KIAA0825: variants seen among roughly 807,000 people sequenced by gnomAD.
The protein encoded by KIAA0825 is uncharacterized protein KIAA0825.
In KIAA0825, 119 loss-of-function variants were observed where a neutral mutation model predicts 147.6. That is an observed-to-expected ratio of 0.81 (90% CI 0.69 to 0.94). KIAA0825 has a LOEUF of 0.94. Among genes scored for constraint, KIAA0825 ranks in the 40% least tolerant of loss-of-function variants. The pLI is 0.00. For missense variants in KIAA0825, 1,381 were observed against 1,472.7 expected (o/e 0.94, Z 1.02); for synonymous variants, 470 against 518.1 (o/e 0.91, Z 1.26).
intron 20 of KIAA0825, among the ~76,000 whole-genome samples, chr5:94,203,121 G>A (rs1300352999): frequency 1.3e-5 from 2 of 152,142 alleles, no homozygotes; most frequent in African/African-American, 4.8e-5. Flanking sequence ...AGCATTACCT[G>A]CCATTTTCAT....
intron 5 of KIAA0825, among the ~76,000 whole-genome samples, chr5:94,489,185 C>G (rs1361892652): frequency 6.6e-6 from 1 of 152,122 alleles, no homozygotes; most frequent in Non-Finnish European, 1.5e-5. Flanking sequence ...GGAAAGTCTT[C>G]TAAAGCCTCC....
At chr5:94,239,799 T>A (rs902482691) in intron 20 of KIAA0825, among the ~76,000 whole-genome samples, 8 of 152,174 alleles carry the variant, frequency 5.3e-5, no homozygotes, top group Admixed American at 3.9e-4. Context: ...TACAATTACT[T>A]AATTACTTTA....
intron 2 of KIAA0825, among the ~76,000 whole-genome samples, chr5:94,542,604 T>A (rs1260400363): frequency 3.3e-5 from 5 of 152,110 alleles, no homozygotes; most frequent in Non-Finnish European, 5.9e-5. Flanking sequence ...GTCAGGAGTT[T>A]GAGACCAGCC....
intron 3 of KIAA0825, among the ~76,000 whole-genome samples, chr5:94,528,243 C>T (rs955452213): frequency 1.3e-5 from 2 of 152,170 alleles, no homozygotes; most frequent in African/African-American, 2.4e-5. Context: ...CATTGGTCAT[C>T]GGGACTATAT....
intron 20 of KIAA0825, among the ~76,000 whole-genome samples, chr5:94,201,766 C>T (rs1275828597): frequency 2.6e-5 from 4 of 152,138 alleles, no homozygotes; most frequent in African/African-American, 4.8e-5. Context: ...CCATTGTGAT[C>T]GGTATAGGGA....
intron 20 of KIAA0825, among the ~76,000 whole-genome samples, chr5:94,309,754 G>A (rs1181537047): frequency 6.6e-6 from 1 of 151,668 alleles, no homozygotes; most frequent in Non-Finnish European, 1.5e-5. Flanking sequence ...TTGCTGTATG[G>A]TTCATCGGTT....
chr5:94,171,478 T>G (rs748923730), intron 20 of KIAA0825, among the ~76,000 whole-genome samples: 1 of 152,182 alleles, frequency 6.6e-6, no homozygotes, highest in African/African-American at 2.4e-5. Flanking sequence ...TCAACTTGAA[T>G]GTAAGTTGTA....
chr5:94,521,552 TC>T (rs1768210755), intron 4 of KIAA0825, among the ~76,000 whole-genome samples: 2 of 151,844 alleles, frequency 1.3e-5, no homozygotes, highest in African/African-American at 4.8e-5. Flanking sequence ...TGAAAATTAA[TC>T]TGAGAATATT....
At chr5:94,614,270 A>C (rs1789767796) in intron 1 of KIAA0825, among the ~76,000 whole-genome samples, 1 of 152,198 alleles carries the variant, frequency 6.6e-6, no homozygotes, top group South Asian at 2.1e-4. Flanking sequence ...GAAAAATCAT[A>C]AGTTATTTCT....
chr5:94,269,408 G>A (rs750410263), intron 20 of KIAA0825, among the ~76,000 whole-genome samples: 1 of 152,096 alleles, frequency 6.6e-6, no homozygotes, highest in Non-Finnish European at 1.5e-5. Context: ...AATGGCAGGA[G>A]TAAGTCTTTA....
rs1176959837 is a variant in KIAA0825 at position 94,546,065 on chromosome 5, G to A, written c.-1-8938C>T. 2.6e-5 allele frequency among the ~76,000 whole-genome samples: 4 copies of A among 152,122 alleles called. No individual in the cohort carries two copies. The East Asian group carries it at 7.7e-4, about 29-fold the overall frequency. ...AGCCCTTGGGCCCTATGGGAACATT[G>A]GCTGTAGCCTGGCAATACTCCATTT... On this transcript the variant is annotated intron_variant, in intron 2 of 20. Transcript: ENST00000682413.
intron 5 of KIAA0825, among the ~76,000 whole-genome samples, chr5:94,499,595 G>A (rs191560127): frequency 1.1e-4 from 16 of 141,894 alleles, no homozygotes; most frequent in African/African-American, 1.5e-4. Context: ...TGGGGGGGGG[G>A]GGGGACCAAG....
intron 20 of KIAA0825, among the ~76,000 whole-genome samples, chr5:94,383,555 G>A (rs1363242364): frequency 3.9e-5 from 6 of 151,920 alleles, no homozygotes; most frequent in African/African-American, 7.3e-5. Context: ...GCACACAGAC[G>A]ACTCAAACAA....
intron 20 of KIAA0825, among the ~76,000 whole-genome samples, chr5:94,217,050 G>T (rs927004850): frequency 2.6e-5 from 4 of 152,096 alleles, no homozygotes; most frequent in African/African-American, 9.7e-5. Flanking sequence ...GTTGACATAA[G>T]AGGAAAATAT....
intron 1 of KIAA0825, among the ~76,000 whole-genome samples, chr5:94,595,605 C>T (rs533852606): frequency 3.9e-5 from 6 of 152,180 alleles, no homozygotes; most frequent in Non-Finnish European, 7.3e-5. Context: ...TTTGGCTCCT[C>T]GTTACTTACG....
chr5:94,602,155 C>A (rs771946989), intron 1 of KIAA0825, among the ~76,000 whole-genome samples: 5 of 152,066 alleles, frequency 3.3e-5, no homozygotes, highest in Non-Finnish European at 7.4e-5. Context: ...CAAGACTATC[C>A]TGGCTAACAT....
chr5:94,425,325 T>C (rs1754719825), intron 14 of KIAA0825, among the ~76,000 whole-genome samples: 1 of 152,224 alleles, frequency 6.6e-6, no homozygotes, highest in African/African-American at 2.4e-5. Context: ...CAAGGATGGT[T>C]TAGCATACAT....
At chr5:94,616,418 T>A (rs1344956988) in intron 1 of KIAA0825, among the ~76,000 whole-genome samples, 1 of 152,180 alleles carries the variant, frequency 6.6e-6, no homozygotes, top group Non-Finnish European at 1.5e-5. Flanking sequence ...ATAATCCCCA[T>A]CTGTTTGAGG....
chr5:94,438,134 T>C (rs151304031), intron 14 of KIAA0825, among the ~76,000 whole-genome samples: 253 of 152,314 alleles, frequency 1.7e-3, no homozygotes, highest in Non-Finnish European at 2.3e-3. Flanking sequence ...TGCATGAGTA[T>C]TTGTATTGGA....
Sources: gnomAD v4.1 joint callset for allele counts (sites outside exome capture counted in the v4.1 genomes callset) on GRCh38, gnomAD v4.1.1 for gene constraint, MANE v1.5 for transcripts, NCBI Gene and HGNC (gene_info 2026-07-23, HGNC 2026-07-21) for gene names.